The following PER2 variants were observed in gnomAD, a reference collection of about 807,000 sequenced individuals.
PER2 encodes the protein period circadian regulator 2.
In PER2, 66 loss-of-function variants were observed where a neutral mutation model predicts 121.0. The ratio of observed to expected loss-of-function variants is 0.55; its 90% CI spans 0.45 to 0.67. PER2 has a LOEUF of 0.67. Among genes scored for constraint, PER2 ranks in the 30% least tolerant of loss-of-function variants. The pLI, the probability that PER2 is intolerant of heterozygous loss-of-function variation, is 0.00. For missense variants in PER2, 1,521 were observed against 1,635.0 expected (o/e 0.93, Z 1.20); for synonymous variants, 684 against 659.9 (o/e 1.04, Z -0.56).
chr2:238,280,372 C>T (rs1397043951), intron 1 of PER2, among the ~76,000 whole-genome samples: 1 of 152,208 alleles, frequency 6.6e-6, no homozygotes, highest in Non-Finnish European at 1.5e-5. Context: ...TGTTCACAAA[C>T]TAATAAACAG....
intron 8 of PER2, among the ~76,000 whole-genome samples, chr2:238,267,527 G>A (rs1696147568): frequency 6.6e-6 from 1 of 152,218 alleles, no homozygotes; most frequent in South Asian, 2.1e-4. Flanking sequence ...AGTCATGTCA[G>A]TGCATGTCTG....
At position 238,271,306 on chromosome 2, in the gene PER2, C is replaced by T; in HGVS notation, c.772+6G>A. On this transcript the variant is annotated splice_donor_region_variant and intron_variant, in intron 6 of 22. Coordinates refer to ENST00000254657, the MANE Select transcript of PER2 (RefSeq NM_022817.3). ...AGGGAACAAGGCACTACCTCGATAACCTCACCTGCTCCACTGCACATGCTC... is the reference window on the plus strand; with the variant it reads ...AGGGAACAAGGCACTACCTCGATAATCTCACCTGCTCCACTGCACATGCTC... 6.2e-7 allele frequency: 1 copy of T among 1,612,470 alleles called. No individual in the cohort carries two copies. The highest frequency in any genetic ancestry group is 1.1e-5 in the South Asian group (1 of 91,024).
the PER2 span, among the ~76,000 whole-genome samples, chr2:238,297,511 C>T: frequency 2.6e-5 from 4 of 152,228 alleles, no homozygotes; most frequent in Non-Finnish European, 4.4e-5. Flanking sequence ...CTAGGGTCCA[C>T]CCTGTGAGGT....
Position 238,253,782 on chromosome 2 carries a change from T to C in PER2, c.2321-80A>G. On this transcript the variant is annotated intron_variant, in intron 18 of 22. Transcript: ENST00000254657. This position sits in a 1 kb window ranked among gnomAD's most constrained non-coding sequence, Gnocchi z 5.6. ...CACCTCTTCGTTCAACAGTCCTGGG[T>C]TTCCAAATGCTGGCCCAGGGCCTGC... 8.7e-7 allele frequency: 1 copy of C among 1,153,826 alleles called. No individual in the cohort carries two copies. Among genetic ancestry groups the C allele is most frequent in the South Asian group, 1.3e-5 (1 of 76,004 alleles). 71.5% of individuals were successfully genotyped at this position (1,153,826 alleles called of 1,614,324 possible).
chr2:238,245,377 T>G lies in PER2; in HGVS notation c.*998A>C, dbSNP rs971876553. On this transcript the variant is annotated 3_prime_UTR_variant, in exon 23 of 23. Transcript: ENST00000254657. ...CCAGGGTGCAGTGGGAGAGGTGAGC[T>G]CACTGCACCCCTGAAAATACAGATG... is the stretch of plus-strand genomic sequence containing the variant. The G allele has an allele frequency of 5.4e-5, 21 of 390,326 alleles. No homozygotes were observed. Among genetic ancestry groups the G allele is most frequent in the Non-Finnish European group, 9.0e-5 (20 of 221,340 alleles). The allele number at this position is 390,326 out of a possible 1,614,324, so 24.2% of individuals were successfully genotyped here.
In PER2 at chr2:238,273,019, C is replaced by T. The variant is rs748219612; in HGVS notation, c.570+51G>A. 10 of 1,601,966 alleles carry T rather than the reference C, an allele frequency of 6.2e-6. No individual in the cohort carries two copies. In the Admixed American group the frequency reaches 1.7e-4, roughly 27 times the overall value. ...CCGCAGTGCTGAGCTAGCTCGCCTG[C>T]AGGAGGAACTCCTGCCATTTTAGAA... On this transcript the variant is annotated intron_variant, in intron 5 of 22. Coordinates refer to ENST00000254657, the MANE Select transcript of PER2 (RefSeq NM_022817.3).
intron 10 of PER2, 135 bp from the exon 11 acceptor site, chr2:238,262,479 C>G: frequency 1.3e-6 from 1 of 781,082 alleles, no homozygotes; most frequent in Non-Finnish European, 2.1e-6. Flanking sequence ...TTCAAAGCCA[C>G]TGCTTTCAAC....
intron 1 of PER2, among the ~76,000 whole-genome samples, chr2:238,283,685 C>T (rs1044948441): frequency 6.6e-6 from 1 of 152,222 alleles, no homozygotes; most frequent in Admixed American, 6.5e-5. Flanking sequence ...ATCTCACTTA[C>T]ACTTCAATGG....
At chr2:238,295,794 C>A in the PER2 span, 1 of 169,548 alleles carries the variant, frequency 5.9e-6, no homozygotes, top group Admixed American at 6.2e-5. Context: ...CCCCAGGCCA[C>A]CACTGAAGCT....
At chr2:238,297,422 C>T in the PER2 span, among the ~76,000 whole-genome samples, 28 of 152,288 alleles carry the variant, frequency 1.8e-4, no homozygotes, top group African/African-American at 6.5e-4. Flanking sequence ...GGCAGGGCCT[C>T]TGAATCCTCT....
chr2:238,287,708 T>G (rs1696829575), intron 1 of PER2, among the ~76,000 whole-genome samples: 1 of 152,214 alleles, frequency 6.6e-6, no homozygotes, highest in Non-Finnish European at 1.5e-5. Context: ...CTGGGTGATT[T>G]TCAGGGTGCC....
Position 238,250,628 on chromosome 2 carries a change from G to A in PER2, c.3390C>T (p.Cys1130=), listed in dbSNP as rs191131720. 55 of 1,613,490 alleles carry A rather than the reference G, an allele frequency of 3.4e-5. No homozygotes were observed. Among genetic ancestry groups the A allele is most frequent in the Middle Eastern group, 1.7e-4 (1 of 6,054 alleles). The change falls in exon 21 of 23, where the codon TGC becomes TGT. Residue 1130 remains cysteine (C), a synonymous_variant. Transcript: ENST00000254657. The part of the protein sequence containing the change: ...GMEESEHFIK[C]VLQDPIWLLM... ...GCAGCCAGATGGGATCCTGCAGGAC[G>A]CACTTAATGAAATGCTCACTTTCTT...
rs994886691 is a variant in PER2 at position 238,252,371 on chromosome 2, G to T, written c.3111+541C>A. The stretch of plus-strand genomic sequence containing the variant: ...CTGCTGCTGGCGTTCCCACACACTT[G>T]AGCTCGTTCAGAAACACAAGCGTTT... On this transcript the variant is annotated intron_variant, in intron 19 of 22. Transcript: ENST00000254657. The surrounding 1 kb of genome is among the most constrained non-coding windows in gnomAD (Gnocchi z 4.2). Among the ~76,000 whole-genome samples, 1 of 152,226 alleles carries T rather than the reference G, an allele frequency of 6.6e-6. No individual in the cohort carries two copies. Among genetic ancestry groups the T allele is most frequent in the Non-Finnish European group, 1.5e-5 (1 of 68,048 alleles).
At chr2:238,261,626 C>T in intron 12 of PER2, 103 bp downstream of exon 12, 2 of 747,390 alleles carry the variant, frequency 2.7e-6, no homozygotes, top group East Asian at 2.7e-5. Context: ...ACAGATGAAG[C>T]TGTCTGAGTG....
chr2:238,284,580 T>C (rs534692512), intron 1 of PER2, among the ~76,000 whole-genome samples: 121 of 152,328 alleles, frequency 7.9e-4, no homozygotes, highest in African/African-American at 2.4e-3. Flanking sequence ...AAGAACTCAG[T>C]GCCACCTCCA....
intron 9 of PER2, among the ~76,000 whole-genome samples, chr2:238,264,362 A>T (rs1020732887): frequency 1.3e-5 from 2 of 152,178 alleles, no homozygotes; most frequent in Non-Finnish European, 2.9e-5. Context: ...AGCCCCGCGG[A>T]CACACCTGAG....
chr2:238,287,415 C>T (rs1696820655), intron 1 of PER2, among the ~76,000 whole-genome samples: 1 of 152,214 alleles, frequency 6.6e-6, no homozygotes, highest in African/African-American at 2.4e-5. Context: ...ACCAGAAGCC[C>T]CAGGTGGGGG....
chr2:238,283,533 A>T (rs1696691283), intron 1 of PER2, among the ~76,000 whole-genome samples: 1 of 152,202 alleles, frequency 6.6e-6, no homozygotes. Context: ...GCAGGCAAGC[A>T]CCTGACCTGT....
In PER2 at chr2:238,262,116, G is replaced by A. The variant is rs953754371; in HGVS notation, c.1307+75C>T. On this transcript the variant is annotated intron_variant, in intron 11 of 22. Coordinates refer to ENST00000254657, the MANE Select transcript of PER2 (RefSeq NM_022817.3). Reference sequence around the variant, plus strand: ...CTCTCAGCCCCTCCCTATGCCATCTGTTGCTGGGAGGTGAGGACAGCCCGA... The same window carrying A: ...CTCTCAGCCCCTCCCTATGCCATCTATTGCTGGGAGGTGAGGACAGCCCGA... The A allele has an allele frequency of 2.9e-6, 4 of 1,399,324 alleles. No homozygotes were observed. In the African/African-American group the frequency reaches 5.7e-5, roughly 20 times the overall value. The allele number at this position is 1,399,324 out of a possible 1,614,324, so 86.7% of individuals were successfully genotyped here.
Sources: allele counts gnomAD v4.1 joint callset (sites outside exome capture counted in the v4.1 genomes callset), GRCh38; gene constraint gnomAD v4.1.1; non-coding constraint Gnocchi (gnomAD v3.1); transcripts MANE v1.5; gene names NCBI Gene and HGNC (gene_info 2026-07-23, HGNC 2026-07-21).